The following MEGF6 variants were observed in gnomAD, a reference collection of about 807,000 sequenced individuals.
The protein encoded by MEGF6 is multiple EGF like domains 6.
In MEGF6, 184 loss-of-function variants were observed where a neutral mutation model predicts 207.1. That is an observed-to-expected ratio of 0.89 (90% CI 0.79 to 1.00). The LOEUF (loss-of-function observed/expected upper bound fraction) is 1.00. Ranked by LOEUF, MEGF6 falls within the 50% of genes least tolerant of loss-of-function variation. The pLI is 0.00. For missense variants in MEGF6, 2,282 were observed against 2,202.9 expected (o/e 1.04, Z -0.72); for synonymous variants, 1,038 against 910.0 (o/e 1.14, Z -2.53).
chr1:3,500,881 T>A (rs1480113108), intron 20 of MEGF6, 85 bp downstream of exon 20: 109 of 1,600,758 alleles, frequency 6.8e-5, no homozygotes, highest in African/African-American at 4.0e-5. Flanking sequence ...AAGCCCCTAG[T>A]CCTCGGGGGC....
intron 3 of MEGF6, among the ~76,000 whole-genome samples, chr1:3,581,002 G>A (rs1259152176): frequency 6.6e-6 from 1 of 152,148 alleles, no homozygotes; most frequent in East Asian, 1.9e-4. Context: ...TGTCAGCTGA[G>A]AGGAAGAAGG....
rs777750962 is a variant in MEGF6, at chr1:3,489,585, C to T, written c.*943G>A. 6.6e-6 allele frequency among the ~76,000 whole-genome samples: 1 copy of T among 152,186 alleles called. No individual in the cohort carries two copies. The highest frequency in any genetic ancestry group is 1.5e-5 in the Non-Finnish European group (1 of 68,018). ...TGCCCCTGCGATGCTGCCCTCCCCC[C>T]ACTGCTGATGCTCAGGTAGGGGTGG... On this transcript the variant is annotated 3_prime_UTR_variant, in exon 37 of 37. Coordinates refer to ENST00000356575, the MANE Select transcript of MEGF6 (RefSeq NM_001409.4).
intron 21 of MEGF6, among the ~76,000 whole-genome samples, 196 bp downstream of exon 21, chr1:3,500,430 GCCAGGGC>G (rs1029894157): frequency 2.0e-5 from 3 of 152,258 alleles, no homozygotes; most frequent in African/African-American, 7.2e-5. Flanking sequence ...AGGAAGCCAG[GCCAGGGC>G]CCAGCCGCAG....
At chr1:3,493,603 T>C in intron 34 of MEGF6, 168 bp downstream of exon 34, 1 of 904,132 alleles carries the variant, frequency 1.1e-6, no homozygotes, top group Non-Finnish European at 1.6e-6. Context: ...GTACCGCATG[T>C]CCCAGCAGCT....
rs1385693433 is a variant in MEGF6, at chr1:3,492,699, C to G, written c.4456G>C (p.Asp1486His). Residue 1486 changes from aspartate to histidine, a missense_variant, in exon 35 of 37, where the codon GAC becomes CAC. Coordinates refer to ENST00000356575, the MANE Select transcript of MEGF6 (RefSeq NM_001409.4). ...CAGTGACACTGCCCACTGACAGGGT[C>G]GCAGTCAGCCCCACCCCCGCAGTCA... ...HCDCGGGADC[D>H]PVSGQCHCVD... 2.5e-6 allele frequency: 4 copies of G among 1,612,652 alleles called. No individual in the cohort carries two copies. The highest frequency in any genetic ancestry group is 1.7e-5 in the Admixed American group (1 of 60,004).
chr1:3,496,693 C>T lies in MEGF6; in HGVS notation c.3704G>A (p.Arg1235His), dbSNP rs768091930. 1.2e-5 allele frequency: 19 copies of T among 1,564,748 alleles called. No homozygotes were observed. Among genetic ancestry groups the T allele is most frequent in the Admixed American group, 9.4e-5 (5 of 53,406 alleles). The change falls in exon 29 of 37, where the codon CGC becomes CAC. Residue 1235 changes from arginine to histidine, a missense_variant. Coordinates refer to ENST00000356575, the MANE Select transcript of MEGF6 (RefSeq NM_001409.4). ...GSCDAATGAC[R>H]CPTGFLGTDC... is the part of the protein sequence containing the mutation. ...CGTCCCGAGGAACCCAGTGGGGCAG[C>T]GGCAGGCCCCCGTGGCCGCATCACA...
intron 4 of MEGF6, among the ~76,000 whole-genome samples, chr1:3,540,510 C>T (rs961344657): frequency 6.6e-6 from 1 of 152,244 alleles, no homozygotes; most frequent in Non-Finnish European, 1.5e-5. Context: ...TGAGGCCTCA[C>T]CACACCTCCA....
intron 2 of MEGF6, among the ~76,000 whole-genome samples, chr1:3,601,490 G>A (rs1363582913): frequency 6.6e-6 from 1 of 152,094 alleles, no homozygotes; most frequent in Non-Finnish European, 1.5e-5. Flanking sequence ...TCTTGTTTTG[G>A]GGGCTCAGGA....
In MEGF6 at chr1:3,493,806, C is replaced by T. The variant is rs1640477146; in HGVS notation, c.4352G>A (p.Cys1451Tyr). The T allele has an allele frequency of 3.7e-6, 6 of 1,611,270 alleles. No individual in the cohort carries two copies. Among genetic ancestry groups the T allele is most frequent in the Non-Finnish European group, 5.1e-6 (6 of 1,179,306 alleles). ...GGTGGCTCCTGAGCGCCCTGGTGGG[C>T]AAAGGCAGAGACCGGTGACAGGGTC... ...PCDPVTGLCL[C>Y]PPGRSGATCN... is the part of the protein sequence containing the mutation. Residue 1451 changes from cysteine (C) to tyrosine (Y), a missense_variant, in exon 34 of 37, where the codon TGC becomes TAC. Coordinates refer to ENST00000356575, the MANE Select transcript of MEGF6 (RefSeq NM_001409.4).
At chr1:3,519,879 C>G (rs1245019826) in intron 5 of MEGF6, among the ~76,000 whole-genome samples, 2 of 152,206 alleles carry the variant, frequency 1.3e-5, no homozygotes, top group Non-Finnish European at 2.9e-5. Context: ...CCAGGGCACA[C>G]AGCACACCCA....
chr1:3,605,880 C>T (rs1570249455), intron 1 of MEGF6, among the ~76,000 whole-genome samples: 2 of 152,226 alleles, frequency 1.3e-5, no homozygotes, highest in African/African-American at 4.8e-5. Flanking sequence ...CTCCAGGTTC[C>T]AGGACCCGGC....
At position 3,496,543 on chromosome 1, in the gene MEGF6, G is replaced by A. The variant is rs755786382; in HGVS notation, c.3742+112C>T. ...ACTTGGGGCCAGGCCCAGCCAGAGG[G>A]GGCTGAAGGGCAGGGAGGTGGGCAG... On this transcript the variant is annotated intron_variant, in intron 29 of 36. Coordinates refer to ENST00000356575, the MANE Select transcript of MEGF6 (RefSeq NM_001409.4). 223 of 1,471,850 alleles carry A rather than the reference G, an allele frequency of 1.5e-4. 1 individual carries two copies. The highest frequency in any genetic ancestry group is 4.2e-4 in the Middle Eastern group (2 of 4,780). The allele number at this position is 1,471,850 out of a possible 1,614,324, so 91.2% of individuals were successfully genotyped here. A position where few individuals can be genotyped will look rare whatever the true frequency, so the allele number is the denominator to read the frequency against.
chr1:3,505,748 G>A (rs1641090749), intron 15 of MEGF6, among the ~76,000 whole-genome samples, 192 bp from the exon 16 acceptor site: 1 of 152,204 alleles, frequency 6.6e-6, no homozygotes, highest in Admixed American at 6.5e-5. Flanking sequence ...CCCCACCAGG[G>A]ACTCAGAGCT....
intron 2 of MEGF6, among the ~76,000 whole-genome samples, chr1:3,601,978 C>T (rs907230537): frequency 1.2e-4 from 19 of 152,256 alleles, no homozygotes; most frequent in Non-Finnish European, 2.5e-4. Flanking sequence ...CCCGGCACAA[C>T]CCGCTTTGCG....
the MEGF6 span, chr1:3,623,058 T>G: frequency 6.6e-6 from 1 of 152,244 alleles, no homozygotes. Context: ...CTTCATCCCA[T>G]TCCCTGGACA....
At chr1:3,505,397 C>CCCCCAA (rs1553192358) in intron 16 of MEGF6, 25 bp downstream of exon 16, 1 of 1,601,764 alleles carries the variant, frequency 6.2e-7, no homozygotes, top group Non-Finnish European at 8.5e-7. Context: ...CGCCCCCCGC[C>CCCCCAA]CCCAGACCCC....
intron 4 of MEGF6, among the ~76,000 whole-genome samples, chr1:3,570,150 C>T (rs1444788730): frequency 2.6e-5 from 4 of 152,154 alleles, no homozygotes; most frequent in Non-Finnish European, 4.4e-5. Flanking sequence ...GCAAGATGGT[C>T]GTGGAGGGGC....
intron 3 of MEGF6, among the ~76,000 whole-genome samples, chr1:3,584,773 C>G (rs887286463): frequency 2.0e-5 from 3 of 152,258 alleles, no homozygotes; most frequent in African/African-American, 7.2e-5. Context: ...ACGGTAACCA[C>G]AGAATCCAGG....
At chr1:3,536,979 G>T (rs539130001) in intron 4 of MEGF6, among the ~76,000 whole-genome samples, 1 of 152,374 alleles carries the variant, frequency 6.6e-6, no homozygotes, top group East Asian at 1.9e-4. Context: ...TCAGGCGCCT[G>T]GACACGTGCC....
Sources: gnomAD v4.1 joint callset for allele counts (sites outside exome capture counted in the v4.1 genomes callset) on GRCh38, gnomAD v4.1.1 for gene constraint, MANE v1.5 for transcripts, NCBI Gene and HGNC (gene_info 2026-07-23, HGNC 2026-07-21) for gene names.